COPS4: variants seen among roughly 807,000 people sequenced by gnomAD.
COPS4 encodes the protein COP9 signalosome subunit 4, also known as COP9 signalosome complex subunit 4.
COPS4 carries 8 observed loss-of-function variants against 55.1 expected under a neutral mutation model. The ratio of observed to expected loss-of-function variants is 0.15; its 90% CI spans 0.09 to 0.26. The LOEUF (loss-of-function observed/expected upper bound fraction) is 0.26. Ranked by LOEUF, COPS4 falls within the 10% of genes least tolerant of loss-of-function variation. The probability of loss-of-function intolerance (pLI) is 1.00; values close to 1 mark genes in which losing one functional copy is unlikely to be tolerated. For synonymous variants in COPS4, 185 were observed against 165.7 expected, an observed-to-expected ratio of 1.12 and a Z score of -0.90; for missense variants, 248 against 484.0, an observed-to-expected ratio of 0.51 and a Z score of 4.58.
Position 83,038,448 on chromosome 4 carries a change from A to G in COPS4, c.74+3150A>G, listed in dbSNP as rs561745021. 3.9e-5 allele frequency among the ~76,000 whole-genome samples: 6 copies of G among 152,224 alleles called. No individual in the cohort carries two copies. The South Asian group carries it at 1.2e-3, about 32-fold the overall frequency. ...TGAGCCCTTAACTCTAAACAAACACATCTACCTTTTTGGCCTTATTTTCAC... is the reference window on the plus strand; with the variant it reads ...TGAGCCCTTAACTCTAAACAAACACGTCTACCTTTTTGGCCTTATTTTCAC... On this transcript the variant is annotated intron_variant, in intron 1 of 9. Coordinates refer to ENST00000264389, the MANE Select transcript of COPS4 (RefSeq NM_016129.3).
intron 9 of COPS4, among the ~76,000 whole-genome samples, chr4:83,071,832 C>A (rs1731438525): frequency 6.6e-6 from 1 of 152,068 alleles, no homozygotes; most frequent in Non-Finnish European, 1.5e-5. Context: ...CTGCCTCAGC[C>A]TCCTGAATAG....
chr4:83,050,056 C>T, intron 4 of COPS4, 72 bp downstream of exon 4: 1 of 850,418 alleles, frequency 1.2e-6, no homozygotes, highest in Admixed American at 2.5e-5. Flanking sequence ...TTTTTTCTTA[C>T]ATTCTAGTAC....
chr4:83,073,038 A>G (rs1052825893), intron 9 of COPS4, among the ~76,000 whole-genome samples: 1 of 152,210 alleles, frequency 6.6e-6, no homozygotes, highest in African/African-American at 2.4e-5. Context: ...AAAGAAGGAA[A>G]TTCACCTAAC....
intron 6 of COPS4, among the ~76,000 whole-genome samples, chr4:83,058,583 A>G (rs938363572): frequency 2.0e-5 from 3 of 152,358 alleles, no homozygotes; most frequent in African/African-American, 4.8e-5. Flanking sequence ...AACGCAGTAC[A>G]TGAACATGGT....
At chr4:83,041,624 C>T (rs1470483455) in intron 1 of COPS4, among the ~76,000 whole-genome samples, 1 of 151,700 alleles carries the variant, frequency 6.6e-6, no homozygotes, top group African/African-American at 2.4e-5. Flanking sequence ...TGCACCATCA[C>T]ACTCGGCTAA....
At chr4:83,058,698 T>A (rs1385415805) in intron 6 of COPS4, among the ~76,000 whole-genome samples, 1 of 152,244 alleles carries the variant, frequency 6.6e-6, no homozygotes, top group African/African-American at 2.4e-5. Flanking sequence ...TGTAACTGTA[T>A]ACATCATAGT....
chr4:83,065,430 T>A (rs1731271501), intron 7 of COPS4, among the ~76,000 whole-genome samples: 1 of 152,068 alleles, frequency 6.6e-6, no homozygotes, highest in African/African-American at 2.4e-5. Flanking sequence ...AGGAGTTAAG[T>A]GAAAAACTAG....
At position 83,044,819 on chromosome 4, in the gene COPS4, C is replaced by T. The variant is rs573227541; in HGVS notation, c.75-807C>T. On this transcript the variant is annotated intron_variant, in intron 1 of 9. Transcript: ENST00000264389. ...AACAACAAAAGAATAGTATAACACT[C>T]ATATACTAACCACTCGTTAAGAAAT... Among the ~76,000 whole-genome samples the T allele has an allele frequency of 3.9e-5, 6 of 152,234 alleles. No individual in the cohort carries two copies. The South Asian group carries it at 1.2e-3, about 32-fold the overall frequency.
intron 1 of COPS4, among the ~76,000 whole-genome samples, chr4:83,037,654 T>A (rs1052139036): frequency 2.0e-5 from 3 of 152,232 alleles, no homozygotes; most frequent in South Asian, 2.1e-4. Flanking sequence ...TGTTTTTTTT[T>A]AATGTATTTT....
chr4:83,055,076 A>G (rs181720039), intron 4 of COPS4, among the ~76,000 whole-genome samples: 59 of 152,352 alleles, frequency 3.9e-4, no homozygotes, highest in Admixed American at 4.6e-4. Flanking sequence ...TTTGCCCCCA[A>G]ATCAATAAAG....
chr4:83,067,778 C>T (rs1470681963), intron 8 of COPS4, among the ~76,000 whole-genome samples: 1 of 152,108 alleles, frequency 6.6e-6, no homozygotes, highest in Non-Finnish European at 1.5e-5. Context: ...TTAAAAGAGA[C>T]TTTCTTCTTG....
intron 9 of COPS4, chr4:83,073,405 A>G (rs77568432): frequency 0.011 from 5,007 of 449,914 alleles, 192 homozygotes; most frequent in East Asian, 0.11. Flanking sequence ...CATTGGATGT[A>G]TATACCTCAA....
At chr4:83,050,117 G>A in intron 4 of COPS4, 133 bp downstream of exon 4, 1 of 565,704 alleles carries the variant, frequency 1.8e-6, no homozygotes, top group South Asian at 2.6e-5. Context: ...GTTAGAAGGT[G>A]ATAAGTGCTG....
At chr4:83,040,760 C>CTT (rs34207990) in intron 1 of COPS4, among the ~76,000 whole-genome samples, 1 of 84,888 alleles carries the variant, frequency 1.2e-5, no homozygotes, top group African/African-American at 4.4e-5. Flanking sequence ...TTTATGTTGG[C>CTT]TTTTTTTTTT....
chr4:83,053,369 AATG>A (rs1730935188), intron 4 of COPS4, among the ~76,000 whole-genome samples: 1 of 152,202 alleles, frequency 6.6e-6, no homozygotes. Context: ...TATGCGGTTC[AATG>A]ATGATAAGTT....
chr4:83,064,987 C>T, intron 7 of COPS4: 2 of 457,278 alleles, frequency 4.4e-6, no homozygotes. Flanking sequence ...TCTTGGGGAT[C>T]CTTCTACCTC....
In COPS4 at chr4:83,056,950, G is replaced by A. The variant is rs776514138; in HGVS notation, c.435G>A (p.Leu145=). 2 of 1,612,996 alleles carry A rather than the reference G, an allele frequency of 1.2e-6. No homozygotes were observed. Among genetic ancestry groups the A allele is most frequent in the Non-Finnish European group, 1.7e-6 (2 of 1,179,068 alleles). Residue 145 remains leucine, a synonymous_variant, in exon 5 of 10, where the codon CTG becomes CTA. Coordinates refer to ENST00000264389, the MANE Select transcript of COPS4 (RefSeq NM_016129.3). ...GACAGTACAATGTAGATTATAAACTGGAGACTTACTTGAAGATTGCTAGGC... is the reference window on the plus strand; with the variant it reads ...GACAGTACAATGTAGATTATAAACTAGAGACTTACTTGAAGATTGCTAGGC... The part of the protein sequence containing the change: ...GQKQYNVDYK[L]ETYLKIARLY...
chr4:83,068,972 A>G (rs1354418535), intron 9 of COPS4, among the ~76,000 whole-genome samples: 14 of 147,610 alleles, frequency 9.5e-5, no homozygotes, highest in Admixed American at 8.8e-4. Context: ...TCTGTCTCAA[A>G]AAAAAAAAAA....
intron 9 of COPS4, among the ~76,000 whole-genome samples, chr4:83,074,457 AGAG>A (rs1731512910): frequency 6.8e-6 from 1 of 146,038 alleles, no homozygotes; most frequent in African/African-American, 2.6e-5. Context: ...AAGATTTTTT[AGAG>A]GTTTTTTTTT....
Sources: gnomAD v4.1 joint callset for allele counts (sites outside exome capture counted in the v4.1 genomes callset) on GRCh38, gnomAD v4.1.1 for gene constraint, MANE v1.5 for transcripts, NCBI Gene and HGNC (gene_info 2026-07-23, HGNC 2026-07-21) for gene names.